The following RUNX1 variants were observed in gnomAD, a reference collection of about 807,000 sequenced individuals.
The protein encoded by RUNX1 is runt-related transcription factor 1.
In RUNX1, 19 loss-of-function variants were observed where a neutral mutation model predicts 42.8. The ratio of observed to expected loss-of-function variants is 0.44; its 90% CI spans 0.31 to 0.65. The LOEUF is 0.65. RUNX1 is among the 30% of genes least tolerant of loss of function. The pLI is 0.07. For synonymous variants in RUNX1, 271 were observed against 289.4 expected, an observed-to-expected ratio of 0.94 and a Z score of 0.64; for missense variants, 528 against 672.0, an observed-to-expected ratio of 0.79 and a Z score of 2.37.
At chr21:34,794,124 T>C (rs148028816) in intron 8 of RUNX1, among the ~76,000 whole-genome samples, 537 of 152,262 alleles carry the variant, frequency 3.5e-3, no homozygotes, top group African/African-American at 0.012. Flanking sequence ...GATGATAATT[T>C]GACACTAATG....
intron 5 of RUNX1, among the ~76,000 whole-genome samples, chr21:34,874,220 C>T (rs1185549865): frequency 1.3e-5 from 2 of 151,966 alleles, no homozygotes; most frequent in East Asian, 3.9e-4. Context: ...CAAAAGCATA[C>T]ACTCTCCCCA....
intron 2 of RUNX1, among the ~76,000 whole-genome samples, chr21:34,929,344 T>C (rs2058422702): frequency 6.6e-6 from 1 of 152,186 alleles, no homozygotes. Flanking sequence ...GGAAATAGCA[T>C]GGCTTTGATA....
chr21:34,998,703 G>A (rs1195953708), intron 2 of RUNX1, among the ~76,000 whole-genome samples: 1 of 151,998 alleles, frequency 6.6e-6, no homozygotes, highest in Non-Finnish European at 1.5e-5. Context: ...CACCATGCCT[G>A]GCTAATTTTT....
chr21:34,826,039 A>T (rs370296005), intron 7 of RUNX1, among the ~76,000 whole-genome samples: 5 of 152,258 alleles, frequency 3.3e-5, no homozygotes, highest in South Asian at 4.1e-4. Context: ...GAGAGAATAC[A>T]TTTCTGTTGT....
At chr21:34,930,293 A>T (rs34843396) in intron 2 of RUNX1, among the ~76,000 whole-genome samples, 10,277 of 122,890 alleles carry the variant, frequency 0.084, 559 homozygotes, top group African/African-American at 0.17. Context: ...TATATATATA[A>T]ATAAATAAAT....
chr21:35,021,243 GTAT>G (rs2059195811), intron 2 of RUNX1, among the ~76,000 whole-genome samples: 1 of 152,160 alleles, frequency 6.6e-6, no homozygotes, highest in Non-Finnish European at 1.5e-5. Context: ...GTGAATAGCT[GTAT>G]CTACTATGTA....
intron 2 of RUNX1, 65 bp from the exon 3 acceptor site, chr21:34,893,028 T>A: frequency 2.1e-6 from 2 of 949,046 alleles, no homozygotes; most frequent in Non-Finnish European, 3.2e-6. Flanking sequence ...TCCCCCGACT[T>A]TTTTTTTTTT....
At chr21:35,007,293 T>G (rs2059092235) in intron 2 of RUNX1, among the ~76,000 whole-genome samples, 1 of 152,210 alleles carries the variant, frequency 6.6e-6, no homozygotes. Context: ...TCCTGGAGGT[T>G]GAGCCCCATG....
At chr21:34,892,427 T>C (rs894264890) in intron 3 of RUNX1, among the ~76,000 whole-genome samples, 2 of 152,264 alleles carry the variant, frequency 1.3e-5, no homozygotes, top group Admixed American at 6.5e-5. Flanking sequence ...TGAATGTTTC[T>C]GTGGGATGCT....
chr21:34,804,292 C>T (rs886357712), intron 7 of RUNX1, among the ~76,000 whole-genome samples: 1 of 152,148 alleles, frequency 6.6e-6, no homozygotes, highest in Non-Finnish European at 1.5e-5. Context: ...CCACCAGATT[C>T]TCACAGGATC....
intron 6 of RUNX1, among the ~76,000 whole-genome samples, chr21:34,836,303 A>G (rs1471498879): frequency 2.0e-5 from 3 of 152,190 alleles, no homozygotes; most frequent in Non-Finnish European, 4.4e-5. Context: ...GGCTTTGTGG[A>G]TGAAAGGCCA....
intron 2 of RUNX1, among the ~76,000 whole-genome samples, chr21:34,927,708 G>A (rs1032000871): frequency 6.6e-6 from 1 of 152,196 alleles, no homozygotes; most frequent in Admixed American, 6.5e-5. Flanking sequence ...TAATGGTACT[G>A]TTAGTATAGA....
Position 34,790,840 on chromosome 21 carries a change from C to T in RUNX1, c.*1295G>A, listed in dbSNP as rs866560376. 46 of 233,244 alleles carry T rather than the reference C, an allele frequency of 2.0e-4. No homozygotes were observed. Among genetic ancestry groups the T allele is most frequent in the Non-Finnish European group, 4.2e-5 (5 of 118,050 alleles). 14.4% of individuals were successfully genotyped at this position (233,244 alleles called of 1,614,324 possible). A position where few individuals can be genotyped will look rare whatever the true frequency, so the allele number is the denominator to read the frequency against. ...AACCCCTAAATTCATTGATTTGGTTCCTATGTAAATGTGGCTCCCCTACAC... is the reference window on the plus strand; with the variant it reads ...AACCCCTAAATTCATTGATTTGGTTTCTATGTAAATGTGGCTCCCCTACAC... On this transcript the variant is annotated 3_prime_UTR_variant, in exon 9 of 9. Coordinates refer to ENST00000675419, the MANE Select transcript of RUNX1 (RefSeq NM_001754.5).
At chr21:34,905,058 C>A (rs2058207166) in intron 2 of RUNX1, among the ~76,000 whole-genome samples, 1 of 152,176 alleles carries the variant, frequency 6.6e-6, no homozygotes, top group African/African-American at 2.4e-5. Flanking sequence ...GCTGCGCTGT[C>A]AAATTGAGTC....
intron 7 of RUNX1, among the ~76,000 whole-genome samples, chr21:34,802,167 C>T (rs574481439): frequency 2.0e-5 from 3 of 152,134 alleles, no homozygotes; most frequent in African/African-American, 2.4e-5. Flanking sequence ...GAGGAGAGTA[C>T]GATGGGAGTT....
intron 2 of RUNX1, among the ~76,000 whole-genome samples, chr21:34,954,975 G>A (rs1398865562): frequency 6.6e-6 from 1 of 152,182 alleles, no homozygotes; most frequent in Non-Finnish European, 1.5e-5. Context: ...CATGGGATTC[G>A]GAGTTGGAAA....
Position 34,851,472 on chromosome 21 carries a change from A to G in RUNX1, c.613+8002T>C, listed in dbSNP as rs923037652. ...CGAAAGTATTTAAGATAATTGCTCA[A>G]GTTCACACCCACTGGCCTGGTGGCA... On this transcript the variant is annotated intron_variant, in intron 6 of 8. Coordinates refer to ENST00000675419, the MANE Select transcript of RUNX1 (RefSeq NM_001754.5). Among the ~76,000 whole-genome samples the G allele has an allele frequency of 3.3e-5, 5 of 152,264 alleles. No homozygotes were observed. In the East Asian group the frequency reaches 7.7e-4, roughly 23 times the overall value.
intron 2 of RUNX1, among the ~76,000 whole-genome samples, chr21:35,003,453 T>C (rs59293947): frequency 0.27 from 41,227 of 151,878 alleles, 6,172 homozygotes; most frequent in African/African-American, 0.38. Flanking sequence ...AAATGTACAA[T>C]TGCACATACT....
chr21:35,004,659 C>T (rs1456595972), intron 2 of RUNX1, among the ~76,000 whole-genome samples: 2 of 152,198 alleles, frequency 1.3e-5, no homozygotes, highest in South Asian at 2.1e-4. Flanking sequence ...CAGGACCTTA[C>T]CTGATTCTAC....
Sources: allele counts gnomAD v4.1 joint callset (sites outside exome capture counted in the v4.1 genomes callset), GRCh38; gene constraint gnomAD v4.1.1; transcripts MANE v1.5; gene names NCBI Gene and HGNC (gene_info 2026-07-23, HGNC 2026-07-21).